Variants in VPS13B observed in about 807,000 individuals in gnomAD.
The protein encoded by VPS13B is intermembrane lipid transfer protein VPS13B.
VPS13B carries 285 observed loss-of-function variants against 426.4 expected under a neutral mutation model. The observed-to-expected ratio is 0.67, with a 90% CI of 0.61 to 0.74. The LOEUF is 0.74. Among genes scored for constraint, VPS13B ranks in the 30% least tolerant of loss-of-function variants. The pLI is 0.00. For synonymous variants in VPS13B, 1,676 were observed against 1,676.4 expected (o/e 1.00, Z 0.01); for missense variants, 4,537 against 4,782.6 (o/e 0.95, Z 1.51).
chr8:99,625,540 C>T (rs1828573621), intron 33 of VPS13B, among the ~76,000 whole-genome samples: 1 of 151,522 alleles, frequency 6.6e-6, no homozygotes, highest in African/African-American at 2.4e-5. Flanking sequence ...TAGTGAGAAC[C>T]TGTTTCCTAT....
chr8:99,851,087 G>A (rs1244622148), intron 55 of VPS13B, among the ~76,000 whole-genome samples: 1 of 152,136 alleles, frequency 6.6e-6, no homozygotes, highest in Non-Finnish European at 1.5e-5. Flanking sequence ...AAAATTAATA[G>A]CATAACAAAA....
intron 19 of VPS13B, among the ~76,000 whole-genome samples, chr8:99,305,289 A>C (rs1196324388): frequency 2.6e-5 from 4 of 152,120 alleles, no homozygotes; most frequent in African/African-American, 9.7e-5. Context: ...GGAAAAAACA[A>C]CCAATAAAAA....
rs574834423 is a variant in VPS13B, at chr8:99,675,236, T to C, written c.6046+13745T>C. 2.0e-5 allele frequency among the ~76,000 whole-genome samples: 3 copies of C among 152,290 alleles called. No individual in the cohort carries two copies. The South Asian group carries it at 6.2e-4, about 32-fold the overall frequency. On this transcript the variant is annotated intron_variant, in intron 35 of 61. Transcript: ENST00000357162. ...TTGGTTTGCAGGTTAGTTAATTAGTTTGTTTTCCAGCTCTTTGAATATATC... is the reference window on the plus strand; with the variant it reads ...TTGGTTTGCAGGTTAGTTAATTAGTCTGTTTTCCAGCTCTTTGAATATATC...
intron 2 of VPS13B, among the ~76,000 whole-genome samples, chr8:99,018,331 A>G (rs1375269083): frequency 4.6e-5 from 7 of 152,240 alleles, no homozygotes; most frequent in Admixed American, 4.6e-4. Context: ...GGTTGCAGTA[A>G]GCTGAGATTG....
At chr8:99,170,381 G>A (rs780338688) in intron 16 of VPS13B, among the ~76,000 whole-genome samples, 9 of 151,964 alleles carry the variant, frequency 5.9e-5, no homozygotes, top group Middle Eastern at 3.4e-3. Context: ...ACTGTTATTA[G>A]GGTAATAACT....
At chr8:99,177,034 A>C (rs987219178) in intron 16 of VPS13B, among the ~76,000 whole-genome samples, 15 of 152,326 alleles carry the variant, frequency 9.8e-5, no homozygotes, top group African/African-American at 3.6e-4. Flanking sequence ...CTACCTGAAC[A>C]GATTTTAAGT....
At chr8:99,233,254 A>G in intron 17 of VPS13B, 4 of 1,210,420 alleles carry the variant, frequency 3.3e-6, no homozygotes, top group Non-Finnish European at 4.9e-6. Context: ...CAGTTCATTC[A>G]CAGTCTTGCC....
chr8:99,369,048 C>T (rs1174095554), intron 19 of VPS13B, among the ~76,000 whole-genome samples: 4 of 152,146 alleles, frequency 2.6e-5, no homozygotes, highest in Non-Finnish European at 4.4e-5. Flanking sequence ...GCTTAAAAAT[C>T]GTTTGTACTG....
chr8:99,364,375 A>T (rs1001464190), intron 19 of VPS13B, among the ~76,000 whole-genome samples: 3 of 151,818 alleles, frequency 2.0e-5, no homozygotes, highest in Non-Finnish European at 2.9e-5. Flanking sequence ...GTTTGCTATT[A>T]TTTTGTTGAG....
intron 54 of VPS13B, among the ~76,000 whole-genome samples, chr8:99,842,774 G>A (rs1815776110): frequency 6.6e-6 from 1 of 152,112 alleles, no homozygotes; most frequent in Admixed American, 6.5e-5. Context: ...ATATTAAAAT[G>A]CTTCTTGTTA....
intron 21 of VPS13B, among the ~76,000 whole-genome samples, chr8:99,403,651 C>T (rs1367768807): frequency 1.2e-4 from 18 of 151,998 alleles, no homozygotes; most frequent in Admixed American, 1.2e-3. Flanking sequence ...AGGTTAGGTA[C>T]TATGATTGGC....
chr8:99,224,272 T>A (rs959110623), intron 17 of VPS13B, among the ~76,000 whole-genome samples: 8 of 152,202 alleles, frequency 5.3e-5, no homozygotes, highest in Admixed American at 5.2e-4. Flanking sequence ...AAAAGAATAC[T>A]TCATAGAAAC....
intron 34 of VPS13B, among the ~76,000 whole-genome samples, chr8:99,657,470 T>TGTGTGTGTGTGTCTG (rs60760111): frequency 2.7e-5 from 4 of 146,908 alleles, no homozygotes; most frequent in Admixed American, 2.7e-4. Flanking sequence ...ACTTTAAAAA[T>TGTGTGTGTGTGTCTG]TGTGTGTGTG....
intron 36 of VPS13B, among the ~76,000 whole-genome samples, chr8:99,703,038 T>C (rs941121291): frequency 1.3e-5 from 2 of 152,154 alleles, no homozygotes; most frequent in Non-Finnish European, 2.9e-5. Flanking sequence ...AGGAAGTGTA[T>C]GTGGAAAGGA....
intron 39 of VPS13B, among the ~76,000 whole-genome samples, chr8:99,732,250 C>T (rs954011339): frequency 1.3e-5 from 2 of 152,110 alleles, no homozygotes; most frequent in Non-Finnish European, 2.9e-5. Flanking sequence ...TCTAGGACTG[C>T]GAATGTCTCT....
At chr8:99,219,165 CA>C (rs1287972552) in intron 17 of VPS13B, among the ~76,000 whole-genome samples, 1 of 152,162 alleles carries the variant, frequency 6.6e-6, no homozygotes, top group African/African-American at 2.4e-5. Flanking sequence ...ACAGGTAGGC[CA>C]TTGGCAATAA....
At chr8:99,483,314 A>G (rs1414989274) in intron 25 of VPS13B, among the ~76,000 whole-genome samples, 3 of 152,118 alleles carry the variant, frequency 2.0e-5, no homozygotes. Flanking sequence ...AGCGATAGGA[A>G]GTCTAGAAAT....
In VPS13B at chr8:99,467,408, T is replaced by C. The variant is rs371720857; in HGVS notation, c.3446-6T>C. 6.2e-6 allele frequency: 10 copies of C among 1,612,626 alleles called. No homozygotes were observed. Among genetic ancestry groups the C allele is most frequent in the African/African-American group, 1.3e-5 (1 of 74,880 alleles). On this transcript the variant is annotated splice_polypyrimidine_tract_variant and splice_region_variant and intron_variant, in intron 23 of 61. Transcript: ENST00000357162. ...CTTCCCTATTCCCTTTTATCCCCTATATCAGGTGATGCTTTTCCTTGGACG... is the reference window on the plus strand; with the variant it reads ...CTTCCCTATTCCCTTTTATCCCCTACATCAGGTGATGCTTTTCCTTGGACG...
intron 3 of VPS13B, among the ~76,000 whole-genome samples, chr8:99,079,199 G>A (rs991778147): frequency 3.9e-5 from 6 of 152,144 alleles, no homozygotes; most frequent in Non-Finnish European, 7.3e-5. Flanking sequence ...TGGCAGTAGC[G>A]GTGGGTTGGG....
Sources: allele counts gnomAD v4.1 joint callset (sites outside exome capture counted in the v4.1 genomes callset), GRCh38; gene constraint gnomAD v4.1.1; transcripts MANE v1.5; gene names NCBI Gene and HGNC (gene_info 2026-07-23, HGNC 2026-07-21).